HTR1F: variants seen among roughly 807,000 people sequenced by gnomAD.
HTR1F encodes the protein 5-hydroxytryptamine receptor 1F.
A neutral mutation model predicts 24.0 loss-of-function variants in HTR1F; 17 were observed. The ratio of observed to expected loss-of-function variants is 0.71; its 90% CI spans 0.48 to 1.06. The LOEUF (loss-of-function observed/expected upper bound fraction) is 1.06, where lower values mean the gene tolerates loss of function less well. HTR1F is among the 50% of genes least tolerant of loss of function. The pLI, the probability that HTR1F is intolerant of heterozygous loss-of-function variation, is 0.00. For synonymous variants in HTR1F, 186 were observed against 156.8 expected (o/e 1.19, Z -1.39); for missense variants, 391 against 427.8 (o/e 0.91, Z 0.76).
At chr3:87,804,811 T>G (rs1306995242) in intron 1 of HTR1F, among the ~76,000 whole-genome samples, 1 of 152,136 alleles carries the variant, frequency 6.6e-6, no homozygotes, top group Non-Finnish European at 1.5e-5. Flanking sequence ...CTTTTTTACT[T>G]TGGTTTGGTT....
intron 2 of HTR1F, among the ~76,000 whole-genome samples, chr3:87,971,934 G>A (rs1238894970): frequency 1.3e-5 from 2 of 152,166 alleles, no homozygotes; most frequent in East Asian, 3.9e-4. Flanking sequence ...TACTTATAGG[G>A]GAAGTTCTTA....
rs1705858744 is a variant in HTR1F at position 87,992,464 on chromosome 3, CAAAAT to C, written c.*617_*621del. 2 of 166,892 alleles carry C rather than the reference CAAAAT, an allele frequency of 1.2e-5. No homozygotes were observed. The highest frequency in any genetic ancestry group is 2.9e-5 in the Non-Finnish European group (2 of 68,074). 10.3% of individuals were successfully genotyped at this position (166,892 alleles called of 1,614,324 possible). A position where few individuals can be genotyped will look rare whatever the true frequency, so the allele number is the denominator to read the frequency against. On this transcript the variant is annotated 3_prime_UTR_variant, in exon 3 of 3. Transcript: ENST00000319595. ...TAATCATAAAGTGGGTTAGGTACAG[CAAAAT>C]AATTCAATACTGAACTTGTGCATAT... is the stretch of plus-strand genomic sequence containing the variant.
At chr3:87,976,021 T>C (rs1403095455) in intron 2 of HTR1F, among the ~76,000 whole-genome samples, 2 of 152,238 alleles carry the variant, frequency 1.3e-5, no homozygotes, top group Non-Finnish European at 1.5e-5. Context: ...ATGTCAGTAT[T>C]AATCATTTGT....
intron 2 of HTR1F, among the ~76,000 whole-genome samples, chr3:87,940,551 A>G (rs1008712957): frequency 2.0e-5 from 3 of 152,200 alleles, no homozygotes; most frequent in Non-Finnish European, 2.9e-5. Flanking sequence ...GGAAGAATCA[A>G]TATCACGAAA....
chr3:87,892,158 T>A (rs544222640), intron 2 of HTR1F, among the ~76,000 whole-genome samples: 118 of 152,320 alleles, frequency 7.7e-4, no homozygotes, highest in African/African-American at 2.6e-3. Flanking sequence ...ATAAAGTGTA[T>A]CACTGGTGTA....
chr3:87,964,555 T>C (rs1164423141), intron 2 of HTR1F, among the ~76,000 whole-genome samples: 2 of 151,968 alleles, frequency 1.3e-5, no homozygotes, highest in Admixed American at 1.3e-4. Context: ...AGTTTACCAA[T>C]AGGACAGAGT....
intron 2 of HTR1F, among the ~76,000 whole-genome samples, chr3:87,824,111 T>A: frequency 6.6e-6 from 1 of 152,060 alleles, no homozygotes; most frequent in Non-Finnish European, 1.5e-5. Context: ...GAATCCCCTA[T>A]GATTTCTTAC....
chr3:87,985,860 A>G (rs1238840511), intron 2 of HTR1F, among the ~76,000 whole-genome samples: 4 of 152,368 alleles, frequency 2.6e-5, no homozygotes, highest in Middle Eastern at 6.8e-3. Flanking sequence ...ACACCTGAAT[A>G]TAAATAAGCA....
chr3:87,854,267 AT>A (rs903227678), intron 2 of HTR1F, among the ~76,000 whole-genome samples: 1 of 151,200 alleles, frequency 6.6e-6, no homozygotes, highest in African/African-American at 2.4e-5. Context: ...CTTTTTTTAT[AT>A]TTTTGATTTT....
At chr3:87,922,566 T>A (rs1205709978) in intron 2 of HTR1F, among the ~76,000 whole-genome samples, 1 of 152,016 alleles carries the variant, frequency 6.6e-6, no homozygotes, top group East Asian at 1.9e-4. Context: ...ACTTTTAAGA[T>A]CTTATTTATA....
chr3:87,876,982 AAAAG>A lies in HTR1F; in HGVS notation c.-43+54864_-43+54867del, dbSNP rs201339452. 3.9e-3 allele frequency among the ~76,000 whole-genome samples: 592 copies of A among 152,288 alleles called. 7 individuals are homozygous for A. Among genetic ancestry groups the A allele is most frequent in the African/African-American group, 0.014 (569 of 41,556 alleles). ...GATATGTGCTTTTTACTAAAATAAA[AAAAG>A]AAAGATTTCAAAAAGTAATTTTAGG... is the stretch of plus-strand genomic sequence containing the variant. On this transcript the variant is annotated intron_variant, in intron 2 of 2. Transcript: ENST00000319595.
At chr3:87,803,865 T>A (rs1704032470) in intron 1 of HTR1F, among the ~76,000 whole-genome samples, 1 of 152,160 alleles carries the variant, frequency 6.6e-6, no homozygotes, top group South Asian at 2.1e-4. Context: ...TTACACGTTA[T>A]CTTCAAGGGT....
chr3:87,826,587 T>G (rs1215647222), intron 2 of HTR1F, among the ~76,000 whole-genome samples: 6 of 152,164 alleles, frequency 3.9e-5, no homozygotes, highest in Admixed American at 1.3e-4. Flanking sequence ...TATAAAGCAT[T>G]GCCAACCTTT....
chr3:87,954,764 GAAGT>G (rs1361149238), intron 2 of HTR1F, among the ~76,000 whole-genome samples: 1 of 151,562 alleles, frequency 6.6e-6, no homozygotes, highest in African/African-American at 2.4e-5. Context: ...TGGAATAATG[GAAGT>G]AATAAACTAA....
chr3:87,882,945 A>T (rs1477865286), intron 2 of HTR1F, among the ~76,000 whole-genome samples: 2 of 152,216 alleles, frequency 1.3e-5, no homozygotes, highest in Admixed American at 1.3e-4. Flanking sequence ...TGAAGAGAAC[A>T]GTGGTCCTCC....
chr3:87,869,550 G>A (rs1705510011), intron 2 of HTR1F, among the ~76,000 whole-genome samples: 1 of 152,076 alleles, frequency 6.6e-6, no homozygotes, highest in Admixed American at 6.6e-5. Flanking sequence ...GATGTTCAGG[G>A]TGAGTCGATA....
At chr3:87,802,871 A>G (rs1217370433) in intron 1 of HTR1F, among the ~76,000 whole-genome samples, 1 of 152,204 alleles carries the variant, frequency 6.6e-6, no homozygotes, top group Non-Finnish European at 1.5e-5. Context: ...CCATTGCAAC[A>G]TTCTGTTTAC....
At chr3:87,924,422 C>T (rs4333109) in intron 2 of HTR1F, among the ~76,000 whole-genome samples, 11 of 151,730 alleles carry the variant, frequency 7.2e-5, no homozygotes, top group Admixed American at 5.3e-4. Context: ...TGTAGTGACA[C>T]GATTTGATTC....
intron 2 of HTR1F, among the ~76,000 whole-genome samples, chr3:87,866,486 C>T (rs555057036): frequency 2.6e-5 from 4 of 152,264 alleles, no homozygotes; most frequent in South Asian, 2.1e-4. Context: ...ATGTCTTTAT[C>T]TGTACTACAA....
Sources: allele counts gnomAD v4.1 joint callset (sites outside exome capture counted in the v4.1 genomes callset), GRCh38; gene constraint gnomAD v4.1.1; transcripts MANE v1.5; gene names NCBI Gene and HGNC (gene_info 2026-07-23, HGNC 2026-07-21).